The following VAV3 variants were observed in gnomAD, a reference collection of about 807,000 sequenced individuals.
VAV3 encodes the protein guanine nucleotide exchange factor VAV3.
A neutral mutation model predicts 131.2 loss-of-function variants in VAV3; 94 were observed. That is an observed-to-expected ratio of 0.72 (90% CI 0.61 to 0.85). The LOEUF (loss-of-function observed/expected upper bound fraction) is 0.85, where lower values mean the gene tolerates loss of function less well. VAV3 is among the 40% of genes least tolerant of loss of function. VAV3 has a pLI of 0.00. For missense variants in VAV3, 939 were observed against 1,002.7 expected, an observed-to-expected ratio of 0.94 and a Z score of 0.86; for synonymous variants, 349 against 342.0, an observed-to-expected ratio of 1.02 and a Z score of -0.22.
At chr1:107,828,121 C>T (rs531035801) in intron 2 of VAV3, among the ~76,000 whole-genome samples, 1 of 152,118 alleles carries the variant, frequency 6.6e-6, no homozygotes, top group Non-Finnish European at 1.5e-5. Flanking sequence ...TAGTACACAG[C>T]GAGATTCATT....
At chr1:107,627,275 A>G (rs1013781162) in intron 20 of VAV3, among the ~76,000 whole-genome samples, 1 of 152,166 alleles carries the variant, frequency 6.6e-6, no homozygotes, top group Non-Finnish European at 1.5e-5. Context: ...TTCCTCAATC[A>G]AACCTGCTCT....
At chr1:107,647,383 T>G (rs776843646) in intron 19 of VAV3, among the ~76,000 whole-genome samples, 1 of 151,812 alleles carries the variant, frequency 6.6e-6, no homozygotes, top group Admixed American at 6.6e-5. Flanking sequence ...CATAACATAT[T>G]AATTCATTCA....
chr1:107,777,084 T>C (rs1447556437), intron 4 of VAV3, 147 bp downstream of exon 4: 1 of 723,926 alleles, frequency 1.4e-6, no homozygotes, highest in East Asian at 2.7e-5. Flanking sequence ...CATTTTCTTG[T>C]AAAGCTTTCC....
chr1:107,917,123 T>C (rs1672661606), intron 1 of VAV3, among the ~76,000 whole-genome samples: 1 of 151,960 alleles, frequency 6.6e-6, no homozygotes, highest in South Asian at 2.1e-4. Flanking sequence ...GAGAAGGAAA[T>C]AATCAAAATC....
chr1:107,589,810 T>C (rs1368443705), intron 25 of VAV3, among the ~76,000 whole-genome samples: 1 of 152,148 alleles, frequency 6.6e-6, no homozygotes, highest in East Asian at 1.9e-4. Flanking sequence ...AAGTGGATGG[T>C]TAGGAACCTG....
At chr1:107,921,399 G>C (rs1049233644) in intron 1 of VAV3, among the ~76,000 whole-genome samples, 3 of 152,172 alleles carry the variant, frequency 2.0e-5, no homozygotes, top group Non-Finnish European at 1.5e-5. Context: ...TAAGGAACTG[G>C]GGAAAGGTAA....
intron 2 of VAV3, among the ~76,000 whole-genome samples, chr1:107,839,558 G>T (rs1249023694): frequency 6.6e-6 from 1 of 151,990 alleles, no homozygotes; most frequent in Non-Finnish European, 1.5e-5. Flanking sequence ...AGCATTAAAT[G>T]CATATATTAA....
At chr1:107,740,160 G>A (rs927287757) in intron 15 of VAV3, among the ~76,000 whole-genome samples, 2 of 152,076 alleles carry the variant, frequency 1.3e-5, no homozygotes, top group Non-Finnish European at 2.9e-5. Context: ...GGTGTTGCGT[G>A]CCTATAATCA....
intron 1 of VAV3, among the ~76,000 whole-genome samples, chr1:107,916,382 T>G (rs1672620275): frequency 6.6e-6 from 1 of 152,206 alleles, no homozygotes; most frequent in Non-Finnish European, 1.5e-5. Context: ...ACCTGAAGCA[T>G]AACGTACAAA....
chr1:107,912,876 A>G (rs1571132552), intron 1 of VAV3, among the ~76,000 whole-genome samples: 1 of 152,302 alleles, frequency 6.6e-6, no homozygotes, highest in East Asian at 1.9e-4. Flanking sequence ...AAAATCTCAG[A>G]CACTTTTTCC....
chr1:107,747,630 T>C (rs17019888), intron 15 of VAV3, among the ~76,000 whole-genome samples: 21,471 of 152,186 alleles, frequency 0.14, 1,710 homozygotes, highest in South Asian at 0.26. Flanking sequence ...GCTGCTATTG[T>C]ACTATTTGGC....
At chr1:107,580,844 C>G (rs555036253) in intron 25 of VAV3, among the ~76,000 whole-genome samples, 1 of 152,248 alleles carries the variant, frequency 6.6e-6, no homozygotes, top group African/African-American at 2.4e-5. Flanking sequence ...ATATTTCCAT[C>G]CATACTGATA....
chr1:107,642,705 C>T lies in VAV3; in HGVS notation c.1828G>A (p.Ala610Thr), dbSNP rs904799312. ...TGTAAAGGGGGTCCTTCATGCAGAGCTGGGGGTGGTGTTCCAGAATAGTTC... is the reference window on the plus strand; with the variant it reads ...TGTAAAGGGGGTCCTTCATGCAGAGTTGGGGGTGGTGTTCCAGAATAGTTC... ...IRNYSGTPPPALHEGPPLQLQ... is the reference protein window; with the variant it reads ...IRNYSGTPPPTLHEGPPLQLQ... Residue 610 changes from alanine to threonine, a missense_variant, in exon 20 of 27, where the codon GCT (alanine) becomes ACT (threonine). Ala to Thr is a moderately conservative substitution (Grantham distance 58). Transcript: ENST00000370056. 5.0e-6 allele frequency: 8 copies of T among 1,613,306 alleles called. No individual in the cohort carries two copies. The highest frequency in any genetic ancestry group is 5.9e-6 in the Non-Finnish European group (7 of 1,179,650).
At chr1:107,801,532 A>G (rs180807207) in intron 2 of VAV3, among the ~76,000 whole-genome samples, 1 of 152,266 alleles carries the variant, frequency 6.6e-6, no homozygotes, top group Admixed American at 6.5e-5. Context: ...CTAACTTAGA[A>G]GTATGCACCT....
intron 19 of VAV3, among the ~76,000 whole-genome samples, chr1:107,645,944 A>G (rs1237207889): frequency 1.3e-5 from 2 of 152,064 alleles, no homozygotes; most frequent in Non-Finnish European, 2.9e-5. Flanking sequence ...GAGTTTATTA[A>G]TAAGGTCTTC....
At chr1:107,664,249 A>C (rs1489130926) in intron 19 of VAV3, among the ~76,000 whole-genome samples, 1 of 152,094 alleles carries the variant, frequency 6.6e-6, no homozygotes, top group Non-Finnish European at 1.5e-5. Context: ...TTGTTACATA[A>C]GTAAACATCT....
chr1:107,792,859 T>G (rs1002105118), intron 2 of VAV3, among the ~76,000 whole-genome samples: 1 of 152,148 alleles, frequency 6.6e-6, no homozygotes, highest in African/African-American at 2.4e-5. Context: ...CCTTCTGGTT[T>G]GCAATTAAGT....
chr1:107,840,631 G>C (rs1021196320), intron 2 of VAV3, among the ~76,000 whole-genome samples: 2 of 151,990 alleles, frequency 1.3e-5, no homozygotes, highest in African/African-American at 2.4e-5. Context: ...CGTTCTTAAC[G>C]TGCCCTAAAG....
chr1:107,630,071 G>A (rs188454575), intron 20 of VAV3, among the ~76,000 whole-genome samples: 2 of 152,042 alleles, frequency 1.3e-5, no homozygotes, highest in African/African-American at 4.8e-5. Flanking sequence ...GTAACATCTC[G>A]ATAAGTTTTC....
Sources: gnomAD v4.1 joint callset for allele counts (sites outside exome capture counted in the v4.1 genomes callset) on GRCh38, gnomAD v4.1.1 for gene constraint, MANE v1.5 for transcripts, NCBI Gene and HGNC (gene_info 2026-07-23, HGNC 2026-07-21) for gene names.